Variants in SPAG16 observed in about 807,000 individuals in gnomAD.
SPAG16 encodes the protein sperm associated antigen 16.
A neutral mutation model predicts 80.4 loss-of-function variants in SPAG16; 86 were observed. That is an observed-to-expected ratio of 1.07 (90% CI 0.90 to 1.28). SPAG16 has a LOEUF of 1.28. SPAG16 is among the 50% of genes most tolerant of loss of function. The pLI, the probability that SPAG16 is intolerant of heterozygous loss-of-function variation, is 0.00. For synonymous variants in SPAG16, 294 were observed against 265.9 expected (o/e 1.11, Z -1.03); for missense variants, 870 against 765.3 (o/e 1.14, Z -1.61).
chr2:214,317,956 C>A (rs1043417762), intron 15 of SPAG16, among the ~76,000 whole-genome samples: 1 of 152,158 alleles, frequency 6.6e-6, no homozygotes, highest in African/African-American at 2.4e-5. Flanking sequence ...AGTATCTTGA[C>A]AAAATCAGAA....
chr2:214,134,792 A>G (rs1363721666), intron 14 of SPAG16, among the ~76,000 whole-genome samples: 2 of 152,216 alleles, frequency 1.3e-5, no homozygotes, highest in East Asian at 1.9e-4. Flanking sequence ...TACAAAACAC[A>G]TAAGAACTTT....
At chr2:213,935,096 G>A (rs1485265579) in intron 12 of SPAG16, among the ~76,000 whole-genome samples, 2 of 151,618 alleles carry the variant, frequency 1.3e-5, no homozygotes, top group Non-Finnish European at 2.9e-5. Context: ...CAGCTACTTG[G>A]GAGGCTGAGG....
chr2:214,125,821 A>G (rs1576288669), intron 14 of SPAG16, among the ~76,000 whole-genome samples: 1 of 151,650 alleles, frequency 6.6e-6, no homozygotes, highest in Non-Finnish European at 1.5e-5. Context: ...TTTACTTGAC[A>G]TGGGAGCCTT....
chr2:213,559,281 A>G (rs2059528075), intron 10 of SPAG16, among the ~76,000 whole-genome samples: 1 of 152,114 alleles, frequency 6.6e-6, no homozygotes, highest in South Asian at 2.1e-4. Context: ...TAACTGAGAG[A>G]TGTCAGCAGG....
At chr2:214,295,251 T>C (rs1330190481) in intron 15 of SPAG16, among the ~76,000 whole-genome samples, 1 of 152,232 alleles carries the variant, frequency 6.6e-6, no homozygotes, top group Non-Finnish European at 1.5e-5. Flanking sequence ...AATGGATCCA[T>C]GAGATAACTT....
intron 13 of SPAG16, among the ~76,000 whole-genome samples, chr2:214,107,391 A>C (rs2053438337): frequency 6.6e-6 from 1 of 152,044 alleles, no homozygotes; most frequent in Non-Finnish European, 1.5e-5. Context: ...ACATAGCAAG[A>C]CTCTCCAAGC....
At chr2:213,930,214 CTTT>C (rs375981228) in intron 12 of SPAG16, 69 bp downstream of exon 12, 28 of 966,278 alleles carry the variant, frequency 2.9e-5, no homozygotes, top group East Asian at 9.8e-5. Context: ...TGGTAAAGTT[CTTT>C]TTTTTTTTTC....
At chr2:213,347,466 A>G (rs1478280033) in intron 6 of SPAG16, among the ~76,000 whole-genome samples, 2 of 151,882 alleles carry the variant, frequency 1.3e-5, no homozygotes, top group Non-Finnish European at 2.9e-5. Context: ...TTGTTCTTTT[A>G]ATTGTGATGT....
At chr2:214,361,214 A>T (rs184138861) in intron 15 of SPAG16, among the ~76,000 whole-genome samples, 1 of 151,770 alleles carries the variant, frequency 6.6e-6, no homozygotes, top group Admixed American at 6.6e-5. Flanking sequence ...TCATTTTATG[A>T]CCCCCAGTGC....
At chr2:213,803,035 T>C (rs536862932) in intron 10 of SPAG16, among the ~76,000 whole-genome samples, 1 of 152,244 alleles carries the variant, frequency 6.6e-6, no homozygotes, top group South Asian at 2.1e-4. Flanking sequence ...TTTTTTTTTG[T>C]ATAACCTATA....
At chr2:213,759,744 A>G (rs531818473) in intron 10 of SPAG16, among the ~76,000 whole-genome samples, 1 of 152,262 alleles carries the variant, frequency 6.6e-6, no homozygotes, top group East Asian at 1.9e-4. Context: ...GCTATAACGA[A>G]TTCAAATAGT....
intron 10 of SPAG16, among the ~76,000 whole-genome samples, chr2:213,737,801 T>A (rs576711131): frequency 1.3e-5 from 2 of 152,300 alleles, no homozygotes; most frequent in East Asian, 3.9e-4. Context: ...CATTACTTTT[T>A]CTTACATGTA....
At chr2:213,904,309 A>G (rs2077345137) in intron 11 of SPAG16, among the ~76,000 whole-genome samples, 1 of 152,186 alleles carries the variant, frequency 6.6e-6, no homozygotes, top group Non-Finnish European at 1.5e-5. Flanking sequence ...ATAGTTCCAC[A>G]TGGCTGGGGA....
chr2:213,844,864 T>C (rs1439223040), intron 10 of SPAG16, among the ~76,000 whole-genome samples: 1 of 152,196 alleles, frequency 6.6e-6, no homozygotes, highest in African/African-American at 2.4e-5. Context: ...AAGGTTGTCG[T>C]AGGATAATGG....
intron 10 of SPAG16, among the ~76,000 whole-genome samples, chr2:213,728,252 T>C (rs909925960): frequency 1.3e-5 from 2 of 152,170 alleles, no homozygotes; most frequent in Non-Finnish European, 2.9e-5. Context: ...CTGTTCCAAG[T>C]AGTTGGTGAG....
chr2:213,351,203 ATTATAG>A (rs1223234828), intron 7 of SPAG16, among the ~76,000 whole-genome samples: 18 of 152,152 alleles, frequency 1.2e-4, no homozygotes, highest in Non-Finnish European at 2.5e-4. Context: ...AGATTATTAA[ATTATAG>A]TTAGAAGAAA....
In SPAG16 at chr2:213,309,773, C is replaced by T. The variant is rs1421685599; in HGVS notation, c.280-286C>T. ...TTCTATCTTTAGTCCTCTACTTTCT[C>T]CCCACCCCAAGGTACTTAGTACCAT... On this transcript the variant is annotated intron_variant, in intron 3 of 15. Transcript: ENST00000331683. Among the ~76,000 whole-genome samples the T allele has an allele frequency of 5.3e-5, 8 of 152,068 alleles. No homozygotes were observed. In the East Asian group the frequency reaches 1.2e-3, roughly 22 times the overall value.
chr2:214,236,965 C>T (rs1689123370), intron 15 of SPAG16, among the ~76,000 whole-genome samples: 1 of 152,142 alleles, frequency 6.6e-6, no homozygotes, highest in Non-Finnish European at 1.5e-5. Flanking sequence ...GGAACGCATT[C>T]TCCCCAGAGT....
At chr2:213,915,784 T>A (rs1266316128) in intron 11 of SPAG16, among the ~76,000 whole-genome samples, 1 of 152,148 alleles carries the variant, frequency 6.6e-6, no homozygotes, top group Admixed American at 6.6e-5. Flanking sequence ...CAGCATCTGT[T>A]GTTTCCTGAC....
Sources: gnomAD v4.1 joint callset for allele counts (sites outside exome capture counted in the v4.1 genomes callset) on GRCh38, gnomAD v4.1.1 for gene constraint, MANE v1.5 for transcripts, NCBI Gene and HGNC (gene_info 2026-07-23, HGNC 2026-07-21) for gene names.